The following ACOT9 variants were observed in gnomAD, a reference collection of about 807,000 sequenced individuals.
The protein encoded by ACOT9 is acyl-CoA thioesterase 9.
In ACOT9, 34 loss-of-function variants were observed where a neutral mutation model predicts 39.7. That is an observed-to-expected ratio of 0.86 (90% CI 0.65 to 1.14). ACOT9 has a LOEUF of 1.14. Ranked by LOEUF, ACOT9 falls within the 50% of genes most tolerant of loss-of-function variation. ACOT9 has a pLI of 0.00. For missense variants in ACOT9, 313 were observed against 344.1 expected (o/e 0.91, Z 0.71); for synonymous variants, 110 against 120.5 (o/e 0.91, Z 0.57).
intron 1 of ACOT9, among the ~76,000 whole-genome samples, chrX:23,739,368 G>A (rs1279898041): frequency 9.0e-6 from 1 of 111,610 alleles, no homozygotes; most frequent in Non-Finnish European, 1.9e-5. Flanking sequence ...CCATAGGATT[G>A]TCAAAAGGAT....
chrX:23,703,911 A>G lies in ACOT9; in HGVS notation c.1330T>C (p.Tyr444His), dbSNP rs1478081237. The change falls in exon 16 of 16, where the codon TAC (tyrosine) becomes CAC (histidine). Residue 444 changes from tyrosine (Y) to histidine (H), a missense_variant. By Grantham distance (83) the Tyr-to-His change is moderately conservative. Coordinates refer to ENST00000379303, the MANE Select transcript of ACOT9 (RefSeq NM_001037171.2). ...MSGPATLRKD[Y>H]LVEP ...TGGTGTTCTTAGGGCTCCACAAGGT[A>G]GTCCTTTCTCAAGGTCGCTGGGCCA... is the stretch of plus-strand genomic sequence containing the variant. The G allele has an allele frequency of 1.7e-6, 2 of 1,210,865 alleles. No homozygotes were observed. Among genetic ancestry groups the G allele is most frequent in the South Asian group, 3.5e-5 (2 of 56,968 alleles).
At chrX:23,713,407 G>A (rs1928969224) in intron 8 of ACOT9, among the ~76,000 whole-genome samples, 199 bp from the exon 9 acceptor site, 1 of 109,918 alleles carries the variant, frequency 9.1e-6, no homozygotes, top group Admixed American at 9.8e-5. Context: ...GCAAAACCCT[G>A]TCTCTACTAA....
At chrX:23,706,925 G>A in intron 10 of ACOT9, 186 bp from the exon 11 acceptor site, 1 of 371,248 alleles carries the variant, frequency 2.7e-6, no homozygotes, top group Non-Finnish European at 4.7e-6. Flanking sequence ...GGTTCAGTGT[G>A]AGATCACTTG....
chrX:23,705,135 A>G (rs1928633745), intron 13 of ACOT9, 55 bp from the exon 14 acceptor site: 1 of 1,027,192 alleles, frequency 9.7e-7, no homozygotes, highest in African/African-American at 1.9e-5. Context: ...GATGATCTCA[A>G]TTGTTTCCTC....
chrX:23,710,964 T>C (rs1244722344), intron 9 of ACOT9, among the ~76,000 whole-genome samples: 6 of 107,249 alleles, frequency 5.6e-5, no homozygotes, highest in Non-Finnish European at 1.2e-4. Flanking sequence ...TCATGACACA[T>C]GACAATGCAC....
At chrX:23,714,199 G>A (rs1183753145) in intron 8 of ACOT9, among the ~76,000 whole-genome samples, 2 of 111,019 alleles carry the variant, frequency 1.8e-5, no homozygotes, top group African/African-American at 3.3e-5. Context: ...CTTGCAGGGC[G>A]TGCCTGTCCT....
At chrX:23,730,077 G>A (rs1285349494) in intron 6 of ACOT9, among the ~76,000 whole-genome samples, 1 of 101,399 alleles carries the variant, frequency 9.9e-6, no homozygotes, top group Non-Finnish European at 2.0e-5. Flanking sequence ...TGACAATTCA[G>A]AAGTAGTAGA....
At chrX:23,732,431 G>C (rs1929789186) in intron 4 of ACOT9, among the ~76,000 whole-genome samples, 1 of 111,816 alleles carries the variant, frequency 8.9e-6, no homozygotes, top group Non-Finnish European at 1.9e-5. Flanking sequence ...ACTTAGAAAT[G>C]GTTCAGGCAA....
At chrX:23,725,010 C>T (rs1486905011) in intron 6 of ACOT9, among the ~76,000 whole-genome samples, 1 of 109,233 alleles carries the variant, frequency 9.2e-6, no homozygotes, top group Non-Finnish European at 1.9e-5. Context: ...GAAAATGTAG[C>T]TTTGTAAGTA....
intron 1 of ACOT9, among the ~76,000 whole-genome samples, chrX:23,739,416 C>T (rs896166334): frequency 2.7e-5 from 3 of 111,447 alleles, no homozygotes; most frequent in African/African-American, 9.8e-5. Flanking sequence ...AAGGGCACGT[C>T]TAGAAGAGCA....
Position 23,702,547 on chromosome X carries a change from G to A in ACOT9, c.*1347C>T, listed in dbSNP as rs2665372. On this transcript the variant is annotated 3_prime_UTR_variant, in exon 16 of 16. Transcript: ENST00000379303. The stretch of plus-strand genomic sequence containing the variant: ...ATTACAGGCATGAGCTACCGCGCCC[G>A]GCCTTGGCTGCAGATTAACGGGAAT... 42,980 of 110,824 alleles carry A rather than the reference G, an allele frequency of 0.39. 6,186 individuals carry two copies. Among genetic ancestry groups the A allele is most frequent in the Admixed American group, 0.52 (5,305 of 10,287 alleles). 9.1% of individuals were successfully genotyped at this position (110,824 alleles called of 1,213,427 possible).
intron 8 of ACOT9, among the ~76,000 whole-genome samples, chrX:23,715,649 C>A (rs1200897444): frequency 9.0e-6 from 1 of 111,552 alleles, no homozygotes; most frequent in African/African-American, 3.3e-5. Context: ...AACAGTGTCC[C>A]TGTTGAAAAA....
At position 23,721,896 on chromosome X, in the gene ACOT9, CT is replaced by C. The variant is rs1252867469; in HGVS notation, c.572del (p.Lys191ArgfsTer21). 1 of 1,209,501 alleles carries C rather than the reference CT, an allele frequency of 8.3e-7. No homozygotes were observed. Among genetic ancestry groups the C allele is most frequent in the South Asian group, 1.8e-5 (1 of 56,796 alleles). Reference protein sequence around the residue: ...SWVGKTSMEVKMQMFQLHGDE... With the variant: ...SWVGKTSMEVXMQMFQLHGDE... ...GCATATTTACCTGGAACATTTGCAT[CT>C]TCACTTCCATGGATGTCTTCCCGAC... On this transcript the variant is annotated frameshift_variant, in exon 8 of 16. Coordinates refer to ENST00000379303, the MANE Select transcript of ACOT9 (RefSeq NM_001037171.2). LOFTEE classifies it high-confidence loss of function.
chrX:23,739,246 A>C (rs1411128833), intron 1 of ACOT9, among the ~76,000 whole-genome samples: 1 of 111,260 alleles, frequency 9.0e-6, no homozygotes, highest in African/African-American at 3.3e-5. Flanking sequence ...GTCTCAAAAA[A>C]AAAAGAGCCC....
intron 6 of ACOT9, among the ~76,000 whole-genome samples, chrX:23,730,179 C>G (rs1166363825): frequency 9.5e-6 from 1 of 105,249 alleles, no homozygotes; most frequent in Non-Finnish European, 1.9e-5. Context: ...ACCGCAACCT[C>G]TGCCTCCCAG....
chrX:23,705,251 T>G (rs1475833044), intron 13 of ACOT9, among the ~76,000 whole-genome samples, 171 bp from the exon 14 acceptor site: 2 of 111,627 alleles, frequency 1.8e-5, no homozygotes, highest in Non-Finnish European at 3.8e-5. Flanking sequence ...GTGAGCAGAT[T>G]AGGGCCAAAA....
At chrX:23,708,255 G>A (rs1046724749) in intron 9 of ACOT9, among the ~76,000 whole-genome samples, 2 of 112,655 alleles carry the variant, frequency 1.8e-5, no homozygotes, top group African/African-American at 3.2e-5. Context: ...TAGGCCGGGC[G>A]TGGTGGCTCA....
intron 1 of ACOT9, 119 bp downstream of exon 1, chrX:23,743,006 G>A: frequency 1.1e-6 from 1 of 890,801 alleles, no homozygotes; most frequent in South Asian, 3.4e-5. Context: ...CCTTATCATA[G>A]AGCCCAAATG....
At chrX:23,705,149 C>A (rs1776905576) in intron 13 of ACOT9, 69 bp from the exon 14 acceptor site, 1 of 910,466 alleles carries the variant, frequency 1.1e-6, no homozygotes, top group Admixed American at 2.6e-5. Flanking sequence ...TTTCCTCTAA[C>A]AACTAGCTGA....
Sources: allele counts gnomAD v4.1 joint callset (sites outside exome capture counted in the v4.1 genomes callset), GRCh38; gene constraint gnomAD v4.1.1; transcripts MANE v1.5; gene names NCBI Gene and HGNC (gene_info 2026-07-23, HGNC 2026-07-21).